HDAC9: variants seen among roughly 807,000 people sequenced by gnomAD.
HDAC9 encodes MEF-2 interacting transcription repressor (MITR) protein.
In HDAC9, 41 loss-of-function variants were observed where a neutral mutation model predicts 139.4. The observed-to-expected ratio is 0.29, with a 90% CI of 0.23 to 0.38. The LOEUF (loss-of-function observed/expected upper bound fraction) is 0.38, where lower values mean the gene tolerates loss of function less well. Ranked by LOEUF, HDAC9 falls within the 10% of genes least tolerant of loss-of-function variation. The pLI is 1.00. For missense variants in HDAC9, 1,147 were observed against 1,297.0 expected (o/e 0.88, Z 1.78); for synonymous variants, 517 against 476.2 (o/e 1.09, Z -1.12).
chr7:18,731,528 G>A (rs1336724485), intron 13 of HDAC9, among the ~76,000 whole-genome samples: 3 of 152,190 alleles, frequency 2.0e-5, no homozygotes, highest in African/African-American at 7.2e-5. Flanking sequence ...TGTTCCAAGG[G>A]AGAAATATTA....
chr7:18,548,487 G>A (rs568384551), intron 2 of HDAC9, among the ~76,000 whole-genome samples: 14 of 152,136 alleles, frequency 9.2e-5, no homozygotes, highest in African/African-American at 3.4e-4. Flanking sequence ...GCACAATAAA[G>A]CAAAGCAAAA....
At chr7:18,310,218 C>T (rs1799215608) in intron 1 of HDAC9, among the ~76,000 whole-genome samples, 1 of 152,104 alleles carries the variant, frequency 6.6e-6, no homozygotes, top group Admixed American at 6.6e-5. Flanking sequence ...TCCCCATGTC[C>T]ATTTCAACTA....
chr7:18,663,455 TC>T (rs1793839613), intron 11 of HDAC9, among the ~76,000 whole-genome samples: 1 of 151,464 alleles, frequency 6.6e-6, no homozygotes, highest in Non-Finnish European at 1.5e-5. Context: ...GCGCCCTCCC[TC>T]CCCCTCACCC....
intron 25 of HDAC9, among the ~76,000 whole-genome samples, chr7:18,983,720 A>T (rs1026922377): frequency 2.0e-5 from 3 of 152,164 alleles, no homozygotes; most frequent in Non-Finnish European, 4.4e-5. Flanking sequence ...AATGAATGAC[A>T]GTTCCAATTG....
chr7:18,817,044 T>A (rs1022390937), intron 17 of HDAC9, among the ~76,000 whole-genome samples: 2 of 151,894 alleles, frequency 1.3e-5, no homozygotes, highest in African/African-American at 4.8e-5. Flanking sequence ...TTTTGTTTTT[T>A]TTTTTTTTGA....
intron 6 of HDAC9, among the ~76,000 whole-genome samples, chr7:18,599,624 T>C (rs1418910846): frequency 6.6e-6 from 1 of 152,248 alleles, no homozygotes; most frequent in Non-Finnish European, 1.5e-5. Context: ...TTTGGTAGAT[T>C]GAAGCTTTTT....
Position 18,303,847 on chromosome 7 carries a change from T to C in HDAC9, c.-42+13332T>C, listed in dbSNP as rs113927063. Among the ~76,000 whole-genome samples, 366 of 151,982 alleles carry C rather than the reference T, an allele frequency of 2.4e-3. 3 individuals are homozygous for C. Among genetic ancestry groups the C allele is most frequent in the African/African-American group, 8.5e-3 (351 of 41,438 alleles). ...TTCTGCTGGCTGGAACCTCACATGG[T>C]TTTGGTCCAGTGTCAACCTTCTGCT... is the stretch of plus-strand genomic sequence containing the variant. On this transcript the variant is annotated intron_variant, in intron 1 of 3. Coordinates refer to the HDAC9 transcript ENST00000413509.
chr7:18,941,508 C>T (rs1015150023), intron 23 of HDAC9, among the ~76,000 whole-genome samples: 39 of 152,006 alleles, frequency 2.6e-4, no homozygotes, highest in African/African-American at 8.7e-4. Context: ...CATTGGATTC[C>T]GAATAGGGAA....
intron 17 of HDAC9, among the ~76,000 whole-genome samples, chr7:18,815,869 C>T (rs575118903): frequency 6.6e-6 from 1 of 152,334 alleles, no homozygotes. Flanking sequence ...CTGAATCTCC[C>T]AGATTCCAGC....
At chr7:18,792,424 G>GT (rs936135992) in intron 16 of HDAC9, among the ~76,000 whole-genome samples, 2 of 151,726 alleles carry the variant, frequency 1.3e-5, no homozygotes, top group South Asian at 4.2e-4. Flanking sequence ...ATCTGGTACT[G>GT]TTTTTTTATG....
chr7:18,096,315 A>G (rs1782496439), intron 1 of HDAC9, among the ~76,000 whole-genome samples: 1 of 152,206 alleles, frequency 6.6e-6, no homozygotes, highest in Admixed American at 6.5e-5. Flanking sequence ...TTCTCTAAAC[A>G]GACTTTATTT....
chr7:18,464,561 T>C (rs994007106), intron 1 of HDAC9, among the ~76,000 whole-genome samples: 1 of 152,070 alleles, frequency 6.6e-6, no homozygotes, highest in African/African-American at 2.4e-5. Flanking sequence ...TCAGATGTTC[T>C]ATGTTAAAAT....
intron 12 of HDAC9, among the ~76,000 whole-genome samples, chr7:18,681,496 A>G (rs186918130): frequency 2.0e-5 from 3 of 152,172 alleles, no homozygotes; most frequent in Admixed American, 2.0e-4. Flanking sequence ...CATTTGAAGA[A>G]AAACAGAAGA....
At chr7:18,855,609 C>T (rs1223060272) in intron 21 of HDAC9, among the ~76,000 whole-genome samples, 2 of 151,950 alleles carry the variant, frequency 1.3e-5, no homozygotes, top group Non-Finnish European at 2.9e-5. Context: ...CCTGTGGTTT[C>T]ACCACTTCTT....
intron 2 of HDAC9, among the ~76,000 whole-genome samples, chr7:18,165,428 A>C (rs1374352334): frequency 6.6e-6 from 1 of 152,162 alleles, no homozygotes; most frequent in East Asian, 1.9e-4. Context: ...TCTCAAGTAA[A>C]TGTTTCTCTT....
chr7:18,088,244 A>G (rs1407054296), intron 1 of HDAC9, among the ~76,000 whole-genome samples: 2 of 152,192 alleles, frequency 1.3e-5, no homozygotes, highest in African/African-American at 4.8e-5. Context: ...GGGGTAAGAA[A>G]GGCTTAAAAA....
At chr7:18,799,086 CACACACACAG>C (rs1793071343) in intron 17 of HDAC9, among the ~76,000 whole-genome samples, 1 of 145,692 alleles carries the variant, frequency 6.9e-6, no homozygotes, top group Non-Finnish European at 1.5e-5. Flanking sequence ...CACACACACA[CACACACACAG>C]AGCCCCTCGG....
intron 13 of HDAC9, among the ~76,000 whole-genome samples, chr7:18,741,745 A>G (rs529931825): frequency 1.3e-5 from 2 of 152,332 alleles, no homozygotes; most frequent in African/African-American, 2.4e-5. Context: ...AACCTTCTGG[A>G]AAGGATTCAC....
intron 1 of HDAC9, among the ~76,000 whole-genome samples, chr7:18,363,030 C>A (rs1451062526): frequency 2.6e-5 from 4 of 152,110 alleles, no homozygotes; most frequent in Non-Finnish European, 4.4e-5. Context: ...AAATAGTAAA[C>A]TCACTAATAA....
Sources: allele counts gnomAD v4.1 joint callset (sites outside exome capture counted in the v4.1 genomes callset), GRCh38; gene constraint gnomAD v4.1.1; transcripts MANE v1.5; gene names NCBI Gene and HGNC (gene_info 2026-07-23, HGNC 2026-07-21).